Variants in NAV1 observed in about 807,000 individuals in gnomAD.
The protein encoded by NAV1 is pore membrane and/or filament interacting like protein 3.
In NAV1, 18 loss-of-function variants were observed where a neutral mutation model predicts 175.2. The ratio of observed to expected loss-of-function variants is 0.10; its 90% CI spans 0.07 to 0.15. The LOEUF is 0.15. Among genes scored for constraint, NAV1 ranks in the 10% least tolerant of loss-of-function variants. The pLI is 1.00. For synonymous variants in NAV1, 897 were observed against 978.7 expected (o/e 0.92, Z 1.56); for missense variants, 1,731 against 2,436.6 (o/e 0.71, Z 6.10).
intron 1 of NAV1, among the ~76,000 whole-genome samples, chr1:201,549,181 TTTCC>T (rs911850880): frequency 1.2e-4 from 18 of 151,060 alleles, no homozygotes; most frequent in East Asian, 7.8e-4. Context: ...CCTTCTTTTC[TTTCC>T]TTCCTTCCTT....
At chr1:201,680,547 G>T (rs567652942) in intron 1 of NAV1, among the ~76,000 whole-genome samples, 146 of 151,940 alleles carry the variant, frequency 9.6e-4, no homozygotes, top group African/African-American at 3.4e-3. Context: ...ATAAAATAAA[G>T]AACCAGATCT....
chr1:201,808,322 C>G lies in NAV1; in HGVS notation c.3846-96C>G, dbSNP rs977720278. 3.5e-6 allele frequency: 5 copies of G among 1,435,318 alleles called. No homozygotes were observed. In the African/African-American group the frequency reaches 5.7e-5, roughly 16 times the overall value. The allele number at this position is 1,435,318 out of a possible 1,614,324, so 88.9% of individuals were successfully genotyped here. A position where few individuals can be genotyped will look rare whatever the true frequency, so the allele number is the denominator to read the frequency against. On this transcript the variant is annotated intron_variant, in intron 18 of 29. Transcript: ENST00000367296. The surrounding 1 kb of genome is among the most constrained non-coding windows in gnomAD (Gnocchi z 5.5). ...CTCATGCTGATTGAATATCAATGGGCAGGAGAAGCCAAGACCACCAACCAT... is the reference window on the plus strand; with the variant it reads ...CTCATGCTGATTGAATATCAATGGGGAGGAGAAGCCAAGACCACCAACCAT...
intron 1 of NAV1, among the ~76,000 whole-genome samples, chr1:201,565,043 G>T (rs962887825): frequency 6.6e-6 from 1 of 152,192 alleles, no homozygotes; most frequent in Non-Finnish European, 1.5e-5. Flanking sequence ...AATCACATCT[G>T]TGAAGATCCT....
At chr1:201,823,967 A>ATGTGGATTTAGGTAAAATTTGCCTAAAT (rs1164760219) in exon 30 of NAV1, 134 of 152,334 alleles carry the variant, frequency 8.8e-4, no homozygotes, top group African/African-American at 3.0e-3. Flanking sequence ...TCCACATAGA[A>ATGTGGATTTAGGTAAAATTTGCCTAAAT]ACCCTGCATT....
rs187052780 is a variant in NAV1 at position 201,696,846 on chromosome 1, C to T, written c.758-15971C>T. On this transcript the variant is annotated intron_variant, in intron 1 of 29. Coordinates refer to ENST00000367296, the Ensembl canonical transcript of NAV1. ...CATCTATAAAATCGGAGTACTCATA[C>T]TTACCTCAGCCGCTGCATTGCAAGG... 2.8e-3 allele frequency among the ~76,000 whole-genome samples: 419 copies of T among 152,346 alleles called. 2 individuals carry two copies. Among genetic ancestry groups the T allele is most frequent in the African/African-American group, 7.0e-3 (292 of 41,578 alleles).
Position 201,750,811 on chromosome 1 carries a change from G to C in NAV1, c.1227-29610G>C, listed in dbSNP as rs1470651825. Among the ~76,000 whole-genome samples the C allele has an allele frequency of 1.3e-5, 2 of 152,106 alleles. No individual in the cohort carries two copies. The highest frequency in any genetic ancestry group is 1.9e-4 in the East Asian group (1 of 5,134). On this transcript the variant is annotated intron_variant, in intron 3 of 29. Coordinates refer to ENST00000367296, the Ensembl canonical transcript of NAV1. This position sits in a 1 kb window ranked among gnomAD's most constrained non-coding sequence, Gnocchi z 4.1. ...GAGATCGGAGGAGGCCTGGAGGGTG[G>C]GGTGAAGTTGTGAGGACCCCTTTTC...
intron 1 of NAV1, among the ~76,000 whole-genome samples, chr1:201,586,786 A>G (rs1571833733): frequency 6.6e-6 from 1 of 152,250 alleles, no homozygotes; most frequent in East Asian, 1.9e-4. Context: ...ATTACCTCTT[A>G]AGACCCTATC....
At chr1:201,677,300 A>AACCCCAGGCTC (rs1670289814) in intron 1 of NAV1, among the ~76,000 whole-genome samples, 1 of 148,904 alleles carries the variant, frequency 6.7e-6, no homozygotes, top group African/African-American at 2.5e-5. Flanking sequence ...CCTTTCCCCC[A>AACCCCAGGCTC]ACCCCAGGCT....
At chr1:201,732,266 T>C (rs1011237735) in intron 3 of NAV1, among the ~76,000 whole-genome samples, 9 of 152,206 alleles carry the variant, frequency 5.9e-5, no homozygotes, top group African/African-American at 2.2e-4. Flanking sequence ...AGTGCCACGA[T>C]GCTATTTTTA....
chr1:201,666,186 G>A (rs1669816744), intron 1 of NAV1, among the ~76,000 whole-genome samples: 1 of 152,040 alleles, frequency 6.6e-6, no homozygotes, highest in Admixed American at 6.6e-5. Flanking sequence ...TCTGCCCATG[G>A]AGAAGGCTGG....
rs779744281 is a variant in NAV1 at position 201,782,270 on chromosome 1, G to C, written c.1758G>C (p.Leu586=). ...CCTCTGATGCTGGTCGGGACCGCCT[G>C]AGTGATGCTAAGAAGCCCCCCTCGG... Residue 586 remains leucine, a synonymous_variant, in exon 6 of 30, where the codon CTG becomes CTC. Coordinates refer to ENST00000367296, the Ensembl canonical transcript of NAV1. The surrounding 1 kb of genome is among the most constrained non-coding windows in gnomAD (Gnocchi z 5.4). 3 of 1,614,222 alleles carry C rather than the reference G, an allele frequency of 1.9e-6. No individual in the cohort carries two copies. Among genetic ancestry groups the C allele is most frequent in the Admixed American group, 3.3e-5 (2 of 60,028 alleles).
chr1:201,752,969 A>G (rs935187786), intron 3 of NAV1, among the ~76,000 whole-genome samples: 26 of 152,078 alleles, frequency 1.7e-4, no homozygotes, highest in African/African-American at 4.8e-4. Flanking sequence ...GTTATTGGAA[A>G]TCTTCACATT....
At chr1:201,555,837 G>A (rs889225130) in intron 1 of NAV1, among the ~76,000 whole-genome samples, 2 of 134,638 alleles carry the variant, frequency 1.5e-5, no homozygotes, top group Non-Finnish European at 3.1e-5. Context: ...CCCGGGTGCT[G>A]GAGCAAAGGT....
intron 3 of NAV1, among the ~76,000 whole-genome samples, chr1:201,747,198 C>G (rs1360055517): frequency 6.6e-6 from 1 of 152,126 alleles, no homozygotes; most frequent in Non-Finnish European, 1.5e-5. Flanking sequence ...TCCTGGGCCC[C>G]CATTCTCGTG....
chr1:201,604,431 C>T (rs535920071), intron 2 of NAV1, among the ~76,000 whole-genome samples: 1 of 152,248 alleles, frequency 6.6e-6, no homozygotes, highest in African/African-American at 2.4e-5. Flanking sequence ...GTAATCCTAA[C>T]ACTTTGGGAG....
Position 201,782,320 on chromosome 1 carries a change from G to C in NAV1, c.1808G>C (p.Gly603Ala), listed in dbSNP as rs1488965170. Residue 603 changes from glycine (G) to alanine (A), a missense_variant, in exon 6 of 30, where the codon GGA becomes GCA. Transcript: ENST00000367296. This position sits in a 1 kb window ranked among gnomAD's most constrained non-coding sequence, Gnocchi z 5.4. ...GGCATTGCTCGCCCCTCCACTTCGG[G>C]ATCCTTTGGCTACAAGAAGCCTCCT... 1.2e-6 allele frequency: 2 copies of C among 1,614,000 alleles called. No homozygotes were observed. Among genetic ancestry groups the C allele is most frequent in the Non-Finnish European group, 1.7e-6 (2 of 1,180,036 alleles).
At chr1:201,597,863 T>A (rs2102225973) in intron 2 of NAV1, among the ~76,000 whole-genome samples, 1 of 152,336 alleles carries the variant, frequency 6.6e-6, no homozygotes, top group South Asian at 2.1e-4. Flanking sequence ...CTGTGAGGTG[T>A]GCCATCTCCT....
chr1:201,766,644 G>A (rs1027259108), intron 3 of NAV1, among the ~76,000 whole-genome samples: 1 of 152,078 alleles, frequency 6.6e-6, no homozygotes, highest in South Asian at 2.1e-4. Context: ...TGCCATCAAA[G>A]GGATCAGCTG....
At chr1:201,712,469 C>A (rs1671947282) in intron 1 of NAV1, among the ~76,000 whole-genome samples, 1 of 152,228 alleles carries the variant, frequency 6.6e-6, no homozygotes, top group African/African-American at 2.4e-5. Context: ...CTCATCTCAA[C>A]CACGAGAAAT....
Sources: allele counts gnomAD v4.1 joint callset (sites outside exome capture counted in the v4.1 genomes callset), GRCh38; gene constraint gnomAD v4.1.1; non-coding constraint Gnocchi (gnomAD v3.1); transcripts MANE v1.5; gene names NCBI Gene and HGNC (gene_info 2026-07-23, HGNC 2026-07-21).